CTNND2: variants seen among roughly 807,000 people sequenced by gnomAD.
CTNND2 encodes the protein catenin delta-2.
A neutral mutation model predicts 144.4 loss-of-function variants in CTNND2; 22 were observed. The observed-to-expected ratio is 0.15, with a 90% CI of 0.11 to 0.22. The LOEUF (loss-of-function observed/expected upper bound fraction) is 0.22, where lower values mean the gene tolerates loss of function less well. Among genes scored for constraint, CTNND2 ranks in the 10% least tolerant of loss-of-function variants. CTNND2 has a pLI of 1.00. For missense variants in CTNND2, 1,353 were observed against 1,618.8 expected (o/e 0.84, Z 2.82); for synonymous variants, 751 against 695.6 (o/e 1.08, Z -1.25).
intron 9 of CTNND2, among the ~76,000 whole-genome samples, chr5:11,293,715 T>C (rs1022615912): frequency 3.3e-5 from 5 of 150,460 alleles, no homozygotes; most frequent in Admixed American, 6.6e-5. Flanking sequence ...AGTGGACTTA[T>C]GTAAACTAAT....
intron 2 of CTNND2, among the ~76,000 whole-genome samples, chr5:11,617,487 C>G (rs1415627604): frequency 6.6e-6 from 1 of 152,202 alleles, no homozygotes; most frequent in Non-Finnish European, 1.5e-5. Context: ...ACTATGTATA[C>G]TATAACAGGT....
chr5:11,559,165 G>A (rs1421214344), intron 3 of CTNND2, among the ~76,000 whole-genome samples: 1 of 152,060 alleles, frequency 6.6e-6, no homozygotes, highest in African/African-American at 2.4e-5. Context: ...TTATACACGT[G>A]TGTGGGTGGG....
At chr5:11,493,247 C>T (rs982924042) in intron 3 of CTNND2, among the ~76,000 whole-genome samples, 3 of 152,176 alleles carry the variant, frequency 2.0e-5, no homozygotes, top group Non-Finnish European at 2.9e-5. Context: ...GTTATGATTC[C>T]ATCAGTACCT....
Position 11,516,102 on chromosome 5 carries a change from T to C in CTNND2, c.287+48842A>G, listed in dbSNP as rs139004593. 5.3e-5 allele frequency among the ~76,000 whole-genome samples: 8 copies of C among 151,842 alleles called. No individual in the cohort carries two copies. In the East Asian group the frequency reaches 1.6e-3, roughly 29 times the overall value. On this transcript the variant is annotated intron_variant, in intron 3 of 21. Transcript: ENST00000304623. Reference sequence around the variant, plus strand: ...GTCTGGGTGACAGAGCAAAACAGTGTCTCAAAAAAAAATTTACTTAGTTTA... The same window carrying C: ...GTCTGGGTGACAGAGCAAAACAGTGCCTCAAAAAAAAATTTACTTAGTTTA...
intron 2 of CTNND2, among the ~76,000 whole-genome samples, chr5:11,661,975 A>G (rs542127276): frequency 8.6e-5 from 13 of 151,678 alleles, no homozygotes; most frequent in African/African-American, 2.9e-4. Flanking sequence ...CTAATAGGAT[A>G]CATGTATATA....
chr5:10,991,045 G>C (rs948241816), intron 19 of CTNND2, among the ~76,000 whole-genome samples: 1 of 152,166 alleles, frequency 6.6e-6, no homozygotes, highest in African/African-American at 2.4e-5. Flanking sequence ...AGGCCTAAGA[G>C]GCCACCTCCA....
chr5:11,324,140 T>C (rs1453406008), intron 9 of CTNND2, among the ~76,000 whole-genome samples: 2 of 152,188 alleles, frequency 1.3e-5, no homozygotes, highest in Non-Finnish European at 2.9e-5. Flanking sequence ...TTTCTGACTA[T>C]GGTCTGGCTT....
At chr5:11,824,923 A>G (rs970913320) in intron 1 of CTNND2, among the ~76,000 whole-genome samples, 14 of 152,196 alleles carry the variant, frequency 9.2e-5, no homozygotes, top group African/African-American at 3.1e-4. Context: ...ATCAGAGTGC[A>G]TCACTGTACA....
chr5:11,236,414 C>T (rs547381287), intron 10 of CTNND2, among the ~76,000 whole-genome samples: 3 of 152,276 alleles, frequency 2.0e-5, no homozygotes, highest in African/African-American at 4.8e-5. Flanking sequence ...AGACAAATCA[C>T]GTTCCAAGTA....
chr5:11,102,510 T>C (rs569497933), intron 14 of CTNND2, among the ~76,000 whole-genome samples: 13 of 152,314 alleles, frequency 8.5e-5, no homozygotes, highest in East Asian at 3.9e-4. Context: ...AACCAATAGA[T>C]TGATTTTTTG....
At chr5:11,056,575 C>T (rs1459721833) in intron 16 of CTNND2, among the ~76,000 whole-genome samples, 1 of 152,310 alleles carries the variant, frequency 6.6e-6, no homozygotes, top group South Asian at 2.1e-4. Flanking sequence ...GCCTTAGCCT[C>T]CCGAGCAGCT....
chr5:11,584,076 A>C (rs181704534), intron 2 of CTNND2, among the ~76,000 whole-genome samples: 171 of 152,362 alleles, frequency 1.1e-3, no homozygotes, highest in African/African-American at 4.0e-3. Flanking sequence ...TTAACATTTC[A>C]ACACTGAATA....
chr5:11,354,257 A>G (rs1755635350), intron 8 of CTNND2, among the ~76,000 whole-genome samples: 1 of 152,258 alleles, frequency 6.6e-6, no homozygotes, highest in South Asian at 2.1e-4. Flanking sequence ...CTTAAGCACT[A>G]AATGATTTTA....
intron 3 of CTNND2, among the ~76,000 whole-genome samples, chr5:11,449,008 A>ATTTTT (rs879926234): frequency 1.4e-5 from 2 of 145,718 alleles, no homozygotes; most frequent in South Asian, 2.2e-4. Flanking sequence ...TGGCCTCAGA[A>ATTTTT]TTTTTTTTTT....
intron 14 of CTNND2, among the ~76,000 whole-genome samples, chr5:11,105,283 T>C (rs1026050828): frequency 2.0e-5 from 3 of 152,256 alleles, no homozygotes; most frequent in Non-Finnish European, 4.4e-5. Flanking sequence ...TCTTGGTTTA[T>C]ATGTTTGGTA....
intron 21 of CTNND2, among the ~76,000 whole-genome samples, chr5:10,979,408 T>G (rs1444184132): frequency 6.6e-6 from 1 of 152,230 alleles, no homozygotes; most frequent in Non-Finnish European, 1.5e-5. Flanking sequence ...GAGGGGAGGC[T>G]GATTAGATGT....
intron 16 of CTNND2, among the ~76,000 whole-genome samples, chr5:11,046,550 A>T (rs527695119): frequency 1.3e-5 from 2 of 152,266 alleles, no homozygotes; most frequent in African/African-American, 4.8e-5. Context: ...TACGTTTCAG[A>T]GCTGCTACTT....
rs577563392 is a variant in CTNND2 at position 11,226,898 on chromosome 5, T to C, written c.1761+9793A>G. ...TTTATAGCTGCTCAGTGATTATCTG[T>C]TGAATATGAATTAGTTCCACTTTCA... On this transcript the variant is annotated intron_variant, in intron 10 of 21. Transcript: ENST00000304623. Among the ~76,000 whole-genome samples the C allele has an allele frequency of 3.9e-5, 6 of 152,348 alleles. No individual in the cohort carries two copies. In the South Asian group the frequency reaches 1.2e-3, roughly 32 times the overall value.
At chr5:11,317,997 T>C (rs1751677683) in intron 9 of CTNND2, among the ~76,000 whole-genome samples, 1 of 152,122 alleles carries the variant, frequency 6.6e-6, no homozygotes, top group Admixed American at 6.5e-5. Context: ...CAGAGTTAGG[T>C]GTTGAACCAT....
Sources: allele counts gnomAD v4.1 joint callset (sites outside exome capture counted in the v4.1 genomes callset), GRCh38; gene constraint gnomAD v4.1.1; transcripts MANE v1.5; gene names NCBI Gene and HGNC (gene_info 2026-07-23, HGNC 2026-07-21).